The following KMO variants were observed in gnomAD, a reference collection of about 807,000 sequenced individuals.
KMO encodes kynurenine 3-hydroxylase.
A neutral mutation model predicts 57.8 loss-of-function variants in KMO; 24 were observed. That is an observed-to-expected ratio of 0.42 (90% CI 0.30 to 0.58). The LOEUF (loss-of-function observed/expected upper bound fraction) is 0.58. Among genes scored for constraint, KMO ranks in the 20% least tolerant of loss-of-function variants. The probability of loss-of-function intolerance (pLI) is 0.22; values close to 1 mark genes in which losing one functional copy is unlikely to be tolerated. For synonymous variants in KMO, 210 were observed against 193.6 expected (o/e 1.08, Z -0.70); for missense variants, 483 against 588.2 (o/e 0.82, Z 1.85).
chr1:241,575,488 G>A (rs1380392865), intron 10 of KMO, among the ~76,000 whole-genome samples: 1 of 151,942 alleles, frequency 6.6e-6, no homozygotes, highest in Non-Finnish European at 1.5e-5. Context: ...TCATTTCAAA[G>A]GATTTTGAAA....
Position 241,584,997 on chromosome 1 carries a change from A to G in KMO, c.958-1682A>G, listed in dbSNP as rs1662910405. On this transcript the variant is annotated intron_variant, in intron 10 of 14. Coordinates refer to ENST00000366559, the MANE Select transcript of KMO (RefSeq NM_003679.5). ...TCCCAGCACTTTGGGAGACCGAGAC[A>G]GGTGGATCACTTGAGGTCAGGAGGT... Among the ~76,000 whole-genome samples, 3 of 152,166 alleles carry G rather than the reference A, an allele frequency of 2.0e-5. No individual in the cohort carries two copies. In the South Asian group the frequency reaches 6.2e-4, roughly 32 times the overall value.
rs1663181588 is a variant in KMO at position 241,589,998 on chromosome 1, T to C, written c.1099-14T>C. The C allele has an allele frequency of 1.2e-6, 2 of 1,600,296 alleles. No individual in the cohort carries two copies. The highest frequency in any genetic ancestry group is 2.7e-5 in the African/African-American group (2 of 74,718). ...TTTGTTCAAAAGCGTTCTTTAAGAC[T>C]GTCATTATTGCAGATGCGAGCACAT... is the stretch of plus-strand genomic sequence containing the variant. On this transcript the variant is annotated splice_polypyrimidine_tract_variant and intron_variant, in intron 12 of 14. Coordinates refer to ENST00000366559, the MANE Select transcript of KMO (RefSeq NM_003679.5).
intron 8 of KMO, 148 bp from the exon 9 acceptor site, chr1:241,566,343 C>A: frequency 1.2e-6 from 1 of 842,532 alleles, no homozygotes; most frequent in Non-Finnish European, 1.8e-6. Context: ...AGCAGGGGAA[C>A]AAAGTGACAG....
Position 241,588,622 on chromosome 1 carries a change from T to C in KMO, c.1016-126T>C, listed in dbSNP as rs562239388. The C allele has an allele frequency of 3.1e-4, 191 of 613,542 alleles. 3 individuals are homozygous for C. In the South Asian group the frequency reaches 3.6e-3, roughly 11 times the overall value. The allele number at this position is 613,542 out of a possible 1,614,324, so 38.0% of individuals were successfully genotyped here. A position where few individuals can be genotyped will look rare whatever the true frequency, so the allele number is the denominator to read the frequency against. On this transcript the variant is annotated intron_variant, in intron 11 of 14. Coordinates refer to ENST00000366559, the MANE Select transcript of KMO (RefSeq NM_003679.5). ...GTCATAGATTGTTGGTTATACAGAA[T>C]GGTTATTTATAGTTTAAAAAAATTA... is the stretch of plus-strand genomic sequence containing the variant.
chr1:241,535,622 C>A (rs1475553197), intron 1 of KMO, among the ~76,000 whole-genome samples: 1 of 152,074 alleles, frequency 6.6e-6, no homozygotes, highest in Non-Finnish European at 1.5e-5. Context: ...GAAACTAAAC[C>A]ATAATCATAA....
chr1:241,532,663 A>G (rs1377759941), intron 1 of KMO, among the ~76,000 whole-genome samples, 165 bp downstream of exon 1: 1 of 152,146 alleles, frequency 6.6e-6, no homozygotes, highest in Non-Finnish European at 1.5e-5. Context: ...TTATTTTCAT[A>G]GATTTAATAT....
At chr1:241,591,374 C>A (rs1032710086) in intron 14 of KMO, among the ~76,000 whole-genome samples, 6 of 151,584 alleles carry the variant, frequency 4.0e-5, no homozygotes, top group African/African-American at 1.5e-4. Context: ...ACTGTCCAAT[C>A]TCTTGTGATG....
At chr1:241,578,146 C>G (rs1662602488) in intron 10 of KMO, among the ~76,000 whole-genome samples, 1 of 152,156 alleles carries the variant, frequency 6.6e-6, no homozygotes, top group South Asian at 2.1e-4. Flanking sequence ...ATAGGCCACC[C>G]TTACCAAACT....
chr1:241,536,895 C>T (rs1199021519), intron 1 of KMO, among the ~76,000 whole-genome samples: 4 of 152,080 alleles, frequency 2.6e-5, no homozygotes, highest in Non-Finnish European at 5.9e-5. Context: ...GCAACTTGAC[C>T]TTGACTCTAT....
At chr1:241,567,663 G>A (rs1341575606) in intron 9 of KMO, among the ~76,000 whole-genome samples, 1 of 152,170 alleles carries the variant, frequency 6.6e-6, no homozygotes, top group Non-Finnish European at 1.5e-5. Context: ...AGCTAATTAT[G>A]TAAAAGGGAT....
In KMO at chr1:241,594,867, CTT is replaced by C; in HGVS notation, c.*2717_*2718del. On this transcript the variant is annotated 3_prime_UTR_variant, in exon 15 of 15. Coordinates refer to ENST00000366559, the MANE Select transcript of KMO (RefSeq NM_003679.5). ...CCTAAATCACCCCAGAGCTTTATGT[CTT>C]TTATTCATTCTAATTCTTATTAACC... 1.6e-6 allele frequency: 1 copy of C among 638,348 alleles called. No homozygotes were observed. The highest frequency in any genetic ancestry group is 2.7e-6 in the Non-Finnish European group (1 of 375,032). The allele number at this position is 638,348 out of a possible 1,614,324, so 39.5% of individuals were successfully genotyped here.
chr1:241,594,565 C>T lies in KMO; in HGVS notation c.*2412C>T, dbSNP rs141477839. On this transcript the variant is annotated 3_prime_UTR_variant, in exon 15 of 15. Coordinates refer to ENST00000366559, the MANE Select transcript of KMO (RefSeq NM_003679.5). ...AAAGTCACTTTTTTCTTTGGCCTGT[C>T]CCCATCTTTCTGTGACATCACAATG... The T allele has an allele frequency of 1.5e-5, 24 of 1,614,112 alleles. No homozygotes were observed. The highest frequency in any genetic ancestry group is 1.9e-5 in the Non-Finnish European group (22 of 1,179,982).
chr1:241,574,234 T>TTTTTGTCAATTTGGATGTCCTTCA (rs1662416550), intron 10 of KMO, among the ~76,000 whole-genome samples: 2 of 152,142 alleles, frequency 1.3e-5, no homozygotes, highest in Non-Finnish European at 2.9e-5. Flanking sequence ...TTGGACTTCC[T>TTTTTGTCAATTTGGATGTCCTTCA]TTTTGTCAAT....
rs151006434 is a variant in KMO, at chr1:241,562,212, A to G, written c.495A>G (p.Gly165=). ...ATGTCACTTGTGACCTCATTGTAGG[A>G]TGTGATGGAGCCTATTCAACTGTCA... The part of the protein sequence containing the change: ...PKDVTCDLIV[G]CDGAYSTVRS... The change falls in exon 7 of 15, where the codon GGA becomes GGG. Residue 165 remains glycine (G), a synonymous_variant. Transcript: ENST00000366559. The G allele has an allele frequency of 6.2e-7, 1 of 1,614,138 alleles. No homozygotes were observed. The highest frequency in any genetic ancestry group is 1.3e-5 in the African/African-American group (1 of 75,050).
chr1:241,588,842 G>T lies in KMO; in HGVS notation c.1098+12G>T, dbSNP rs1663129754. The T allele has an allele frequency of 6.3e-7, 1 of 1,597,442 alleles. No individual in the cohort carries two copies. The highest frequency in any genetic ancestry group is 8.6e-7 in the Non-Finnish European group (1 of 1,165,624). ...ACAATTACATAGAGGTGAGTGAGAA[G>T]GTTTGGCTTTATTCCATGAGATGGT... On this transcript the variant is annotated intron_variant, in intron 12 of 14. Coordinates refer to ENST00000366559, the MANE Select transcript of KMO (RefSeq NM_003679.5).
chr1:241,586,204 T>TC (rs1307874165), intron 10 of KMO, among the ~76,000 whole-genome samples: 3 of 141,584 alleles, frequency 2.1e-5, no homozygotes, highest in African/African-American at 7.9e-5. Context: ...TTTTTTTTTT[T>TC]TTTTTTTTTT....
intron 4 of KMO, 149 bp downstream of exon 4, chr1:241,551,193 C>T: frequency 1.8e-6 from 1 of 555,350 alleles, no homozygotes. Flanking sequence ...TACTAGTTGG[C>T]AAGTTTATTC....
chr1:241,567,690 A>G lies in KMO; in HGVS notation c.810-810A>G, dbSNP rs546142695. The stretch of plus-strand genomic sequence containing the variant: ...AAAAGGGATAACCCACTGCTGGCCC[A>G]TAGCAGGTCTTTTAAAAATTGCTAG... On this transcript the variant is annotated intron_variant, in intron 9 of 14. Coordinates refer to ENST00000366559, the MANE Select transcript of KMO (RefSeq NM_003679.5). 1.1e-3 allele frequency among the ~76,000 whole-genome samples: 167 copies of G among 152,340 alleles called. 1 individual carries two copies. The highest frequency in any genetic ancestry group is 1.9e-3 in the Non-Finnish European group (131 of 68,012).
chr1:241,540,640 T>C (rs1220521729), intron 1 of KMO, among the ~76,000 whole-genome samples: 2 of 152,098 alleles, frequency 1.3e-5, no homozygotes, highest in Admixed American at 1.3e-4. Context: ...CATAATGAAC[T>C]GGAGAAAGAG....
Sources: gnomAD v4.1 joint callset for allele counts (sites outside exome capture counted in the v4.1 genomes callset) on GRCh38, gnomAD v4.1.1 for gene constraint, MANE v1.5 for transcripts, NCBI Gene and HGNC (gene_info 2026-07-23, HGNC 2026-07-21) for gene names.